PSPC1: variants seen among roughly 807,000 people sequenced by gnomAD.
PSPC1 encodes the protein paraspeckle component 1, also known as paraspeckle protein 1.
A neutral mutation model predicts 51.6 loss-of-function variants in PSPC1; 14 were observed. That is an observed-to-expected ratio of 0.27 (90% CI 0.18 to 0.42). PSPC1 has a LOEUF of 0.42. Among genes scored for constraint, PSPC1 ranks in the 10% least tolerant of loss-of-function variants. PSPC1 has a pLI of 1.00. For synonymous variants in PSPC1, 193 were observed against 231.9 expected (o/e 0.83, Z 1.53); for missense variants, 406 against 701.1 (o/e 0.58, Z 4.75).
At chr13:19,709,718 A>G (rs1283257507) in intron 6 of PSPC1, 119 bp from the exon 7 acceptor site, 1 of 885,258 alleles carries the variant, frequency 1.1e-6, no homozygotes, top group Non-Finnish European at 1.7e-6. Context: ...AATTTTGAAA[A>G]GTTTCCATCA....
At chr13:19,690,196 C>A (rs1878389482) in intron 6 of PSPC1, among the ~76,000 whole-genome samples, 1 of 152,196 alleles carries the variant, frequency 6.6e-6, no homozygotes, top group Non-Finnish European at 1.5e-5. Flanking sequence ...ATAATTTTTA[C>A]TGAATTATTT....
chr13:19,752,187 C>A (rs1412704499), intron 3 of PSPC1, among the ~76,000 whole-genome samples: 2 of 152,096 alleles, frequency 1.3e-5, no homozygotes, highest in Non-Finnish European at 2.9e-5. Flanking sequence ...ATTGGGTAGG[C>A]CCCAAAAATC....
chr13:19,716,035 T>TA (rs1882053922), intron 6 of PSPC1, among the ~76,000 whole-genome samples: 1 of 151,660 alleles, frequency 6.6e-6, no homozygotes, highest in African/African-American at 2.4e-5. Context: ...AAATAAAAAA[T>TA]AAAAAAATTA....
intron 6 of PSPC1, among the ~76,000 whole-genome samples, chr13:19,680,297 G>C (rs1454987878): frequency 1.3e-5 from 2 of 152,186 alleles, no homozygotes; most frequent in Non-Finnish European, 2.9e-5. Flanking sequence ...TTATAGGTGT[G>C]AGCCACCATG....
At chr13:19,707,525 T>G (rs1253380498) in intron 7 of PSPC1, among the ~76,000 whole-genome samples, 1 of 152,206 alleles carries the variant, frequency 6.6e-6, no homozygotes, top group Non-Finnish European at 1.5e-5. Context: ...TGATAATGAT[T>G]AATAGCTCTA....
exon 8 of PSPC1, chr13:19,674,980 C>G (rs1269962058): frequency 6.6e-6 from 1 of 152,228 alleles, no homozygotes; most frequent in African/African-American, 2.4e-5. Flanking sequence ...AGGCAAGTGG[C>G]AAGACTGTGA....
intron 6 of PSPC1, among the ~76,000 whole-genome samples, chr13:19,715,728 T>C (rs1338011300): frequency 6.6e-6 from 1 of 152,134 alleles, no homozygotes; most frequent in East Asian, 1.9e-4. Context: ...ACACTGTCTC[T>C]TAAAAAAAAT....
At chr13:19,780,673 C>A (rs946381359) in intron 1 of PSPC1, among the ~76,000 whole-genome samples, 1 of 135,638 alleles carries the variant, frequency 7.4e-6, no homozygotes, top group East Asian at 2.2e-4. Context: ...ACAAACACTG[C>A]GGAAGGCCGC....
chr13:19,694,259 T>C (rs1472974509), intron 6 of PSPC1, among the ~76,000 whole-genome samples: 3 of 151,706 alleles, frequency 2.0e-5, no homozygotes, highest in Non-Finnish European at 4.4e-5. Flanking sequence ...TTATAGCCTA[T>C]GTAATGGGAT....
chr13:19,716,618 C>G (rs1366753201), intron 6 of PSPC1, among the ~76,000 whole-genome samples: 1 of 151,940 alleles, frequency 6.6e-6, no homozygotes, highest in Non-Finnish European at 1.5e-5. Context: ...TCTCAAAAAA[C>G]GAAAATGCTA....
At chr13:19,742,845 T>C (rs1341026291) in intron 4 of PSPC1, among the ~76,000 whole-genome samples, 1 of 152,092 alleles carries the variant, frequency 6.6e-6, no homozygotes, top group African/African-American at 2.4e-5. Context: ...CAAACAGGAA[T>C]CATGACATAA....
intron 2 of PSPC1, among the ~76,000 whole-genome samples, chr13:19,764,484 G>A (rs1197361527): frequency 6.6e-6 from 1 of 151,620 alleles, no homozygotes; most frequent in East Asian, 1.9e-4. Flanking sequence ...TCTTTTCTTA[G>A]AACTGTGGAA....
intron 1 of PSPC1, among the ~76,000 whole-genome samples, chr13:19,776,353 C>A (rs1286909036): frequency 6.6e-6 from 1 of 151,960 alleles, no homozygotes; most frequent in Non-Finnish European, 1.5e-5. Flanking sequence ...GCGGTCCCAG[C>A]AACCTGAGGG....
chr13:19,693,849 C>T (rs866001290), intron 6 of PSPC1, among the ~76,000 whole-genome samples: 6 of 152,174 alleles, frequency 3.9e-5, no homozygotes, highest in Middle Eastern at 3.4e-3. Context: ...CTTGGCCAGG[C>T]GCGGTGGCTC....
intron 2 of PSPC1, among the ~76,000 whole-genome samples, chr13:19,771,390 G>C (rs933956421): frequency 2.0e-5 from 3 of 152,006 alleles, no homozygotes; most frequent in Non-Finnish European, 4.4e-5. Flanking sequence ...CACCCGCCTG[G>C]GCCTCCCAGA....
At chr13:19,746,009 GTT>G (rs1193097882) in intron 4 of PSPC1, among the ~76,000 whole-genome samples, 5 of 104,084 alleles carry the variant, frequency 4.8e-5, no homozygotes, top group African/African-American at 3.4e-5. Flanking sequence ...TTTGTTTTTT[GTT>G]TTTTTTTTTT....
intron 5 of PSPC1, among the ~76,000 whole-genome samples, chr13:19,738,473 G>A (rs201680527): frequency 2.0e-5 from 3 of 152,070 alleles, no homozygotes; most frequent in East Asian, 3.9e-4. Context: ...ACAATGTAAA[G>A]ACTATGTAAA....
chr13:19,733,235 G>A (rs1185738826), intron 5 of PSPC1, among the ~76,000 whole-genome samples: 1 of 152,348 alleles, frequency 6.6e-6, no homozygotes, highest in East Asian at 1.9e-4. Flanking sequence ...ATCTGTTACA[G>A]AGGTGGATTA....
chr13:19,717,853 G>T (rs1882303159), intron 6 of PSPC1, among the ~76,000 whole-genome samples: 1 of 151,162 alleles, frequency 6.6e-6, no homozygotes, highest in Non-Finnish European at 1.5e-5. Context: ...TCCAGCGTGG[G>T]CGACAGAGGG....
Sources: allele counts gnomAD v4.1 joint callset (sites outside exome capture counted in the v4.1 genomes callset), GRCh38; gene constraint gnomAD v4.1.1; transcripts MANE v1.5; gene names NCBI Gene and HGNC (gene_info 2026-07-23, HGNC 2026-07-21).